The following NEIL3 variants were observed in gnomAD, a reference collection of about 807,000 sequenced individuals.
NEIL3 encodes the protein nei like DNA glycosylase 3, also known as endonuclease 8-like 3.
Under a neutral mutation model 57.5 loss-of-function variants are expected in NEIL3, and 48 were observed. The ratio of observed to expected loss-of-function variants is 0.83; its 90% CI spans 0.66 to 1.06. NEIL3 has a LOEUF of 1.06. Among genes scored for constraint, NEIL3 ranks in the 50% least tolerant of loss-of-function variants. NEIL3 has a pLI of 0.00. For missense variants in NEIL3, 717 were observed against 739.1 expected, an observed-to-expected ratio of 0.97 and a Z score of 0.35; for synonymous variants, 261 against 253.2, an observed-to-expected ratio of 1.03 and a Z score of -0.29.
In NEIL3 at chr4:177,362,538, A is replaced by C; in HGVS notation, c.*67A>C. The C allele has an allele frequency of 8.1e-7, 1 of 1,234,150 alleles. No homozygotes were observed. The highest frequency in any genetic ancestry group is 1.1e-6 in the Non-Finnish European group (1 of 889,580). 76.4% of individuals were successfully genotyped at this position (1,234,150 alleles called of 1,614,324 possible). A position where few individuals can be genotyped will look rare whatever the true frequency, so the allele number is the denominator to read the frequency against. ...ATAATGTTTGGTCCTCCTCTGTTTCATAGAAAAGTCATAGAATATCTATGA... is the reference window on the plus strand; with the variant it reads ...ATAATGTTTGGTCCTCCTCTGTTTCCTAGAAAAGTCATAGAATATCTATGA... On this transcript the variant is annotated 3_prime_UTR_variant, in exon 10 of 10. Transcript: ENST00000264596.
intron 6 of NEIL3, among the ~76,000 whole-genome samples, chr4:177,344,530 T>C (rs180805088): frequency 7.2e-5 from 11 of 152,258 alleles, no homozygotes; most frequent in Admixed American, 2.0e-4. Context: ...ACACTTTTAA[T>C]ACTGATGCTA....
intron 9 of NEIL3, among the ~76,000 whole-genome samples, chr4:177,361,460 G>A (rs1735606398): frequency 6.6e-6 from 1 of 152,210 alleles, no homozygotes; most frequent in African/African-American, 2.4e-5. Context: ...TGTCTTCAAT[G>A]TGATACCTTC....
At chr4:177,362,945 T>C (rs1735639828), downstream of NEIL3, 1 of 152,196 alleles carries the variant, frequency 6.6e-6, no homozygotes, top group Non-Finnish European at 1.5e-5. Flanking sequence ...TATGAACAAG[T>C]CTATTTTTAA....
intron 6 of NEIL3, among the ~76,000 whole-genome samples, chr4:177,344,314 A>G (rs1273874235): frequency 6.6e-6 from 1 of 152,242 alleles, no homozygotes; most frequent in Non-Finnish European, 1.5e-5. Context: ...GAATAAGTAC[A>G]TCCCATTTAT....
downstream of NEIL3, among the ~76,000 whole-genome samples, chr4:177,363,457 T>G (rs1735649510): frequency 6.6e-6 from 1 of 152,108 alleles, no homozygotes; most frequent in South Asian, 2.1e-4. Context: ...ATGAGTGATC[T>G]TCACCCAAAT....
intron 2 of NEIL3, among the ~76,000 whole-genome samples, chr4:177,331,383 A>T (rs923667705): frequency 2.6e-5 from 4 of 151,868 alleles, no homozygotes; most frequent in Non-Finnish European, 5.9e-5. Context: ...TTCTCTGCTG[A>T]AATATCACAC....
At chr4:177,351,286 A>G in intron 6 of NEIL3, 94 bp from the exon 7 acceptor site, 2 of 645,892 alleles carry the variant, frequency 3.1e-6, no homozygotes, top group Non-Finnish European at 5.1e-6. Context: ...AAGAGATAGC[A>G]TTGGGGTATT....
At chr4:177,344,817 C>T (rs1735179154) in intron 6 of NEIL3, among the ~76,000 whole-genome samples, 1 of 152,116 alleles carries the variant, frequency 6.6e-6, no homozygotes, top group Non-Finnish European at 1.5e-5. Context: ...CTGCCTTGGC[C>T]TCCCAAAGTG....
chr4:177,357,542 T>C lies in NEIL3; in HGVS notation c.1461-2961T>C, dbSNP rs545206728. On this transcript the variant is annotated intron_variant, in intron 8 of 9. Transcript: ENST00000264596. Reference sequence around the variant, plus strand: ...TCACTTTAAAATTACAGATCTGTGCTTAGTAATGTCTTCCTTCTTGATGAT... The same window carrying C: ...TCACTTTAAAATTACAGATCTGTGCCTAGTAATGTCTTCCTTCTTGATGAT... Among the ~76,000 whole-genome samples the C allele has an allele frequency of 3.3e-5, 5 of 152,340 alleles. No individual in the cohort carries two copies. In the East Asian group the frequency reaches 9.6e-4, roughly 29 times the overall value.
the NEIL3 span, among the ~76,000 whole-genome samples, chr4:177,368,284 T>C: frequency 6.6e-6 from 1 of 152,230 alleles, no homozygotes; most frequent in Non-Finnish European, 1.5e-5. Context: ...TCATTATACA[T>C]TTTAGTTCCA....
chr4:177,311,327 G>A (rs748941816), intron 1 of NEIL3, among the ~76,000 whole-genome samples: 4 of 152,018 alleles, frequency 2.6e-5, no homozygotes, highest in East Asian at 1.9e-4. Context: ...AGAGATACAC[G>A]ATTCTTTAAG....
chr4:177,355,984 C>T (rs979673415), intron 8 of NEIL3, among the ~76,000 whole-genome samples: 6 of 152,024 alleles, frequency 3.9e-5, no homozygotes, highest in South Asian at 2.1e-4. Flanking sequence ...AAATCCACCA[C>T]GTTTTCACTT....
intron 4 of NEIL3, 111 bp downstream of exon 4, chr4:177,336,432 G>A (rs779787647): frequency 6.1e-5 from 48 of 790,086 alleles, no homozygotes; most frequent in Middle Eastern, 3.1e-4. Flanking sequence ...CAGACTTCAG[G>A]TGTCCCGCTT....
intron 6 of NEIL3, among the ~76,000 whole-genome samples, chr4:177,348,838 T>C (rs890623656): frequency 6.8e-6 from 1 of 146,602 alleles, no homozygotes; most frequent in Non-Finnish European, 1.5e-5. Context: ...ATAGTAGAAT[T>C]GCAGATTGGT....
chr4:177,360,714 T>C (rs767511699), intron 9 of NEIL3, 37 bp downstream of exon 9: 23 of 1,483,384 alleles, frequency 1.6e-5, no homozygotes, highest in Middle Eastern at 1.8e-4. Context: ...TAAAATGTAA[T>C]TAAATGCTTT....
chr4:177,329,782 T>A (rs1734848481), intron 2 of NEIL3, among the ~76,000 whole-genome samples: 1 of 152,144 alleles, frequency 6.6e-6, no homozygotes, highest in Non-Finnish European at 1.5e-5. Flanking sequence ...TGTGGAACAC[T>A]TAGCAAGATT....
At chr4:177,335,052 C>T (rs1036430594) in intron 2 of NEIL3, among the ~76,000 whole-genome samples, 31 of 151,846 alleles carry the variant, frequency 2.0e-4, no homozygotes, top group East Asian at 3.9e-4. Context: ...TAAAAGAAAA[C>T]GAAAAGAATT....
chr4:177,361,698 A>C (rs1735610347), intron 9 of NEIL3, among the ~76,000 whole-genome samples: 1 of 152,238 alleles, frequency 6.6e-6, no homozygotes. Flanking sequence ...AATCTGTCTA[A>C]TTCAGTCTGC....
chr4:177,344,918 T>C (rs1735180741), intron 6 of NEIL3, among the ~76,000 whole-genome samples: 1 of 152,208 alleles, frequency 6.6e-6, no homozygotes, highest in Non-Finnish European at 1.5e-5. Flanking sequence ...TGAGTATTAT[T>C]TCCTTTAAAG....
Sources: gnomAD v4.1 joint callset for allele counts (sites outside exome capture counted in the v4.1 genomes callset) on GRCh38, gnomAD v4.1.1 for gene constraint, MANE v1.5 for transcripts, NCBI Gene and HGNC (gene_info 2026-07-23, HGNC 2026-07-21) for gene names.